The following SHISA6 variants were observed in gnomAD, a reference collection of about 807,000 sequenced individuals.
SHISA6 encodes the protein shisa family member 6.
A neutral mutation model predicts 47.9 loss-of-function variants in SHISA6; 22 were observed. The ratio of observed to expected loss-of-function variants is 0.46; its 90% confidence interval spans 0.33 to 0.66. The LOEUF (loss-of-function observed/expected upper bound fraction) is 0.66. Among genes scored for constraint, SHISA6 ranks in the 30% least tolerant of loss-of-function variants. The pLI is 0.02. For synonymous variants in SHISA6, 388 were observed against 337.8 expected (o/e 1.15, Z -1.63); for missense variants, 680 against 764.6 (o/e 0.89, Z 1.30).
rs559827291 is a variant in SHISA6, at chr17:11,462,012, G to A, written c.895+82503G>A. 2.0e-5 allele frequency among the ~76,000 whole-genome samples: 3 copies of A among 152,254 alleles called. No individual in the cohort carries two copies. In the South Asian group the frequency reaches 6.2e-4, roughly 32 times the overall value. On this transcript the variant is annotated intron_variant, in intron 3 of 5. Transcript: ENST00000441885. ...CAGTTCATTTTGTGTTGATATTGGTGGACAATTGGATTTAGTAAGCCTTAG... is the reference window on the plus strand; with the variant it reads ...CAGTTCATTTTGTGTTGATATTGGTAGACAATTGGATTTAGTAAGCCTTAG...
At chr17:11,340,887 A>G (rs1911501684) in intron 2 of SHISA6, among the ~76,000 whole-genome samples, 1 of 152,228 alleles carries the variant, frequency 6.6e-6, no homozygotes, top group South Asian at 2.1e-4. Context: ...AGAAAGGAAG[A>G]CAAGAAAGGA....
chr17:11,555,886 A>G lies in SHISA6; in HGVS notation c.1099A>G (p.Arg367Gly). ...CCCCAGCAAGTATTCATCTCTGAAGAGGCTAAGTAAGTTGAATTTCCCCCA... is the reference window on the plus strand; with the variant it reads ...CCCCAGCAAGTATTCATCTCTGAAGGGGCTAAGTAAGTTGAATTTCCCCCA... Reference protein sequence around the residue: ...TNPSKYSSLKRLTDKEADEYY... With the variant: ...TNPSKYSSLKGLTDKEADEYY... Residue 367 changes from arginine (R) to glycine (G), a missense_variant, in exon 5 of 6, where the codon AGG (arginine) becomes GGG (glycine). Physicochemically the swap from Arg to Gly is moderately radical, Grantham distance 125 (BLOSUM62 -2). Coordinates refer to ENST00000441885, the MANE Select transcript of SHISA6 (RefSeq NM_207386.4). 1 of 1,524,124 alleles carries G rather than the reference A, an allele frequency of 6.6e-7. No homozygotes were observed. Among genetic ancestry groups the G allele is most frequent in the Non-Finnish European group, 8.8e-7 (1 of 1,133,918 alleles). The allele number at this position is 1,524,124 out of a possible 1,614,324, so 94.4% of individuals were successfully genotyped here.
intron 3 of SHISA6, among the ~76,000 whole-genome samples, chr17:11,537,785 G>A (rs1014989069): frequency 2.0e-5 from 3 of 152,178 alleles, no homozygotes; most frequent in Non-Finnish European, 4.4e-5. Flanking sequence ...AAGAAATATT[G>A]TGCTACGGTA....
At chr17:11,287,735 G>GGGA in intron 2 of SHISA6, among the ~76,000 whole-genome samples, 1 of 145,936 alleles carries the variant, frequency 6.9e-6, no homozygotes, top group African/African-American at 2.5e-5. Flanking sequence ...GGAAGGGGCT[G>GGGA]GGAAGGGAAG....
At position 11,263,461 on chromosome 17, in the gene SHISA6, A is replaced by G. The variant is rs1364677325; in HGVS notation, c.734A>G (p.Asn245Ser). The G allele has an allele frequency of 6.4e-7, 1 of 1,551,732 alleles. No individual in the cohort carries two copies. Among genetic ancestry groups the G allele is most frequent in the East Asian group, 2.4e-5 (1 of 40,918 alleles). Residue 245 changes from asparagine (N) to serine (S), a missense_variant, in exon 2 of 6, where the codon AAC becomes AGC. By Grantham distance (46) the Asn-to-Ser change is conservative. Coordinates refer to ENST00000441885, the MANE Select transcript of SHISA6 (RefSeq NM_207386.4). ...GCTATCGATACCTCTCCCAAAGAGA[A>G]CACGCCGGTCAGATCGTCCTCCAAA... ...ISAIDTSPKE[N>S]TPVRSSSKNH...
chr17:11,375,841 T>A (rs1173887434), intron 2 of SHISA6, among the ~76,000 whole-genome samples: 1 of 152,038 alleles, frequency 6.6e-6, no homozygotes, highest in African/African-American at 2.4e-5. Context: ...TTGTCAGTGG[T>A]GAAGGTGAGG....
intron 2 of SHISA6, 134 bp from the exon 3 acceptor site, chr17:11,379,280 G>T (rs973731724): frequency 1.6e-5 from 7 of 430,014 alleles, no homozygotes; most frequent in African/African-American, 4.3e-5. Context: ...TATATTCTTG[G>T]CTGCCTCCAC....
intron 3 of SHISA6, among the ~76,000 whole-genome samples, chr17:11,390,884 G>C (rs1355371148): frequency 6.6e-6 from 1 of 152,230 alleles, no homozygotes; most frequent in Non-Finnish European, 1.5e-5. Flanking sequence ...GAGTAAGACA[G>C]ATTCTGCCTG....
chr17:11,311,931 A>G (rs2142187564), intron 2 of SHISA6, among the ~76,000 whole-genome samples: 1 of 152,088 alleles, frequency 6.6e-6, no homozygotes, highest in East Asian at 1.9e-4. Flanking sequence ...ATGTGCCACC[A>G]CGCCTGGCTA....
At chr17:11,521,737 A>G (rs2142363451) in intron 3 of SHISA6, among the ~76,000 whole-genome samples, 1 of 152,220 alleles carries the variant, frequency 6.6e-6, no homozygotes, top group East Asian at 1.9e-4. Flanking sequence ...CAGGAGTTCA[A>G]AAGTGCAGTG....
At chr17:11,378,190 A>G (rs1912875998) in intron 2 of SHISA6, among the ~76,000 whole-genome samples, 1 of 152,238 alleles carries the variant, frequency 6.6e-6, no homozygotes, top group East Asian at 1.9e-4. Context: ...TTACCTATTT[A>G]TATGAGACAA....
At position 11,562,560 on chromosome 17, in the gene SHISA6, G is replaced by A. The variant is rs1189163085; in HGVS notation, c.*4256G>A. ...CTTCCTGGGCTCTATATTTGATTTT[G>A]GAAGGCAGCATACTCTAGGAGAAAA... On this transcript the variant is annotated 3_prime_UTR_variant, in exon 6 of 6. Transcript: ENST00000441885. The A allele has an allele frequency of 6.6e-6, 1 of 152,066 alleles. No individual in the cohort carries two copies. The highest frequency in any genetic ancestry group is 2.4e-5 in the African/African-American group (1 of 41,404). 9.4% of individuals were successfully genotyped at this position (152,066 alleles called of 1,614,324 possible).
At chr17:11,546,014 G>C (rs1292497461) in intron 3 of SHISA6, among the ~76,000 whole-genome samples, 1 of 152,172 alleles carries the variant, frequency 6.6e-6, no homozygotes, top group Non-Finnish European at 1.5e-5. Context: ...AGGAGCAGCA[G>C]GAAAATAAGT....
At chr17:11,377,323 A>G (rs1912838299) in intron 2 of SHISA6, among the ~76,000 whole-genome samples, 1 of 152,182 alleles carries the variant, frequency 6.6e-6, no homozygotes, top group African/African-American at 2.4e-5. Flanking sequence ...TACAGCAAGA[A>G]TGCTCCTCCT....
chr17:11,315,043 G>A (rs1292603655), intron 2 of SHISA6, among the ~76,000 whole-genome samples: 2 of 152,162 alleles, frequency 1.3e-5, no homozygotes, highest in Non-Finnish European at 2.9e-5. Flanking sequence ...GGAATTCATA[G>A]CTTAATGTGG....
rs370331119 is a variant in SHISA6 at position 11,423,237 on chromosome 17, G to A, written c.895+43728G>A. ...TGTATGTGTGTGTGTGTGTGTGTGT[G>A]TGTATATATATATATATAATATATA... On this transcript the variant is annotated intron_variant, in intron 3 of 5. Coordinates refer to ENST00000441885, the MANE Select transcript of SHISA6 (RefSeq NM_207386.4). 2.6e-3 allele frequency among the ~76,000 whole-genome samples: 331 copies of A among 128,462 alleles called. 1 individual carries two copies. The highest frequency in any genetic ancestry group is 9.2e-3 in the African/African-American group (306 of 33,092). 84.3% of individuals were successfully genotyped at this position (128,462 alleles called of 152,430 possible). A position where few individuals can be genotyped will look rare whatever the true frequency, so the allele number is the denominator to read the frequency against.
At chr17:11,526,983 C>T (rs2071692687) in intron 3 of SHISA6, among the ~76,000 whole-genome samples, 1 of 106,820 alleles carries the variant, frequency 9.4e-6, no homozygotes, top group African/African-American at 3.5e-5. Context: ...GCCTTGATAG[C>T]TTCTTGACTT....
intron 2 of SHISA6, among the ~76,000 whole-genome samples, chr17:11,285,531 T>A (rs1341740132): frequency 6.6e-6 from 1 of 152,216 alleles, no homozygotes; most frequent in African/African-American, 2.4e-5. Context: ...TGAATCCTAC[T>A]GACAGTTTGG....
At chr17:11,481,364 GTGTATA>G (rs202162452) in intron 3 of SHISA6, among the ~76,000 whole-genome samples, 8,529 of 134,216 alleles carry the variant, frequency 0.064, 261 homozygotes, top group East Asian at 0.1. Flanking sequence ...GTGTGTGTGT[GTGTATA>G]TATATATATA....
Sources: gnomAD v4.1 joint callset for allele counts (sites outside exome capture counted in the v4.1 genomes callset) on GRCh38, gnomAD v4.1.1 for gene constraint, MANE v1.5 for transcripts, NCBI Gene and HGNC (gene_info 2026-07-23, HGNC 2026-07-21) for gene names.